NDUFA10: variants seen among roughly 807,000 people sequenced by gnomAD.
NDUFA10 encodes NADH:ubiquinone oxidoreductase subunit A10.
A neutral mutation model predicts 47.8 loss-of-function variants in NDUFA10; 40 were observed. The observed-to-expected ratio is 0.84, with a 90% CI of 0.65 to 1.09. The LOEUF (loss-of-function observed/expected upper bound fraction) is 1.09. Among genes scored for constraint, NDUFA10 ranks in the 50% least tolerant of loss-of-function variants. The pLI, the probability that NDUFA10 is intolerant of heterozygous loss-of-function variation, is 0.00. For synonymous variants in NDUFA10, 183 were observed against 172.2 expected (o/e 1.06, Z -0.49); for missense variants, 413 against 451.1 (o/e 0.92, Z 0.76).
At chr2:239,908,254 G>C (rs991926994) in intron 4 of NDUFA10, among the ~76,000 whole-genome samples, 1 of 152,082 alleles carries the variant, frequency 6.6e-6, no homozygotes, top group Non-Finnish European at 1.5e-5. Context: ...TTGTGGGGTG[G>C]GGGGAGAGGG....
chr2:240,013,565 T>C (rs1295005141), intron 5 of NDUFA10: 1 of 152,238 alleles, frequency 6.6e-6, no homozygotes, highest in African/African-American at 2.4e-5. Context: ...AGTCTAGCTA[T>C]ACAACATACT....
At chr2:239,898,925 TGGAGGGGTGTGAC>T (rs1197547168) in intron 4 of NDUFA10, among the ~76,000 whole-genome samples, 3 of 149,980 alleles carry the variant, frequency 2.0e-5, no homozygotes, top group Admixed American at 6.7e-5. Context: ...AAGGTTGTGA[TGGAGGGGTGTGAC>T]GGAGGGGTGT....
intron 4 of NDUFA10, among the ~76,000 whole-genome samples, chr2:239,931,047 G>A (rs1694165060): frequency 6.6e-6 from 1 of 152,192 alleles, no homozygotes; most frequent in East Asian, 1.9e-4. Context: ...AGGGCCGTGG[G>A]AGCCTCGGAG....
At chr2:239,929,965 T>TC in intron 4 of NDUFA10, among the ~76,000 whole-genome samples, 1 of 141,170 alleles carries the variant, frequency 7.1e-6, no homozygotes, top group South Asian at 2.4e-4. Context: ...CCCCTGCTTC[T>TC]CCACCGCCCC....
intron 8 of NDUFA10, among the ~76,000 whole-genome samples, chr2:240,004,633 G>A (rs552855259): frequency 4.0e-4 from 59 of 149,270 alleles, no homozygotes; most frequent in Admixed American, 3.0e-3. Flanking sequence ...GCTCCATTCC[G>A]CTGTGGCCTC....
At chr2:240,000,881 C>T (rs926446675) in intron 8 of NDUFA10, among the ~76,000 whole-genome samples, 4 of 152,256 alleles carry the variant, frequency 2.6e-5, no homozygotes, top group East Asian at 3.8e-4. Flanking sequence ...ATAGCATCTA[C>T]GCTTGTGTAA....
chr2:239,903,153 A>C (rs555420440), intron 4 of NDUFA10, among the ~76,000 whole-genome samples: 88 of 152,228 alleles, frequency 5.8e-4, no homozygotes, highest in African/African-American at 1.7e-3. Flanking sequence ...GAGGCTTCCC[A>C]GGGTCACAGC....
Position 239,906,029 on chromosome 2 carries a change from A to C in NDUFA10, c.295-10715T>G, listed in dbSNP as rs1693649259. Among the ~76,000 whole-genome samples, 1 of 152,072 alleles carries C rather than the reference A, an allele frequency of 6.6e-6. No individual in the cohort carries two copies. The highest frequency in any genetic ancestry group is 1.5e-5 in the Non-Finnish European group (1 of 67,972). ...CTGTGGTGGGATCAGAATTCCCCTA[A>C]GGAATTCCTGGAGCCCTGAGGGGTG... On this transcript the variant is annotated intron_variant, in intron 4 of 5. Coordinates refer to the NDUFA10 transcript ENST00000419408. This position sits in a 1 kb window ranked among gnomAD's most constrained non-coding sequence, Gnocchi z 4.3.
At chr2:239,997,601 T>C (rs1696535208) in intron 8 of NDUFA10, among the ~76,000 whole-genome samples, 1 of 152,224 alleles carries the variant, frequency 6.6e-6, no homozygotes. Context: ...CTTTTATACC[T>C]TAAGTAACCT....
intron 8 of NDUFA10, among the ~76,000 whole-genome samples, chr2:240,002,246 G>A (rs918854684): frequency 1.4e-5 from 2 of 148,082 alleles, no homozygotes; most frequent in African/African-American, 5.0e-5. Context: ...CAGGAGAATC[G>A]CCTGAACCAG....
intron 5 of NDUFA10, chr2:240,012,032 A>C: frequency 2.9e-6 from 1 of 344,808 alleles, no homozygotes; most frequent in Non-Finnish European, 5.6e-6. Context: ...GGAATGAAAG[A>C]GCACCAAAAA....
intron 4 of NDUFA10, among the ~76,000 whole-genome samples, chr2:239,942,286 C>T (rs1048256254): frequency 7.9e-5 from 12 of 152,252 alleles, no homozygotes; most frequent in Non-Finnish European, 1.6e-4. Context: ...AACACAGATG[C>T]TGCTGGGGCC....
intron 8 of NDUFA10, among the ~76,000 whole-genome samples, chr2:239,992,650 G>C (rs1254728966): frequency 6.6e-6 from 1 of 152,218 alleles, no homozygotes; most frequent in Non-Finnish European, 1.5e-5. Context: ...GGGATGGTCT[G>C]AGAGGAGCTT....
At chr2:239,970,915 CAG>C in intron 9 of NDUFA10, among the ~76,000 whole-genome samples, 1 of 152,342 alleles carries the variant, frequency 6.6e-6, no homozygotes, top group Admixed American at 6.5e-5. Flanking sequence ...GTAGTTCAGC[CAG>C]AGAGGGCACC....
chr2:239,909,504 G>A lies in NDUFA10; in HGVS notation c.295-14190C>T, dbSNP rs543073742. ...GGCATGTGCCTGTAATCCCAGCTAC[G>A]CAGGAGGCTGAGGCAGGGGAATTGC... On this transcript the variant is annotated intron_variant, in intron 4 of 5. Coordinates refer to the NDUFA10 transcript ENST00000419408. Among the ~76,000 whole-genome samples the A allele has an allele frequency of 3.0e-4, 46 of 152,084 alleles. 1 individual carries two copies. The highest frequency in any genetic ancestry group is 1.1e-3 in the African/African-American group (44 of 41,478).
At chr2:239,946,452 T>C (rs78293450) in intron 4 of NDUFA10, among the ~76,000 whole-genome samples, 1,757 of 152,316 alleles carry the variant, frequency 0.012, 31 homozygotes, top group African/African-American at 0.038. Flanking sequence ...CCCTCAGTGA[T>C]GCCTCCGGGG....
intron 6 of NDUFA10, among the ~76,000 whole-genome samples, chr2:240,007,830 C>T (rs1449304111): frequency 7.3e-5 from 11 of 151,406 alleles, no homozygotes; most frequent in Admixed American, 1.3e-4. Flanking sequence ...AGGGCCTAAC[C>T]GAGCACAGGC....
At position 239,959,655 on chromosome 2, in the gene NDUFA10, C is replaced by T. The variant is rs1694767501; in HGVS notation, c.*1463G>A. On this transcript the variant is annotated 3_prime_UTR_variant, in exon 10 of 10. Coordinates refer to ENST00000252711, the MANE Select transcript of NDUFA10 (RefSeq NM_004544.4). ...CAGGGAGGAAGGGAAGGGAGGAAAA[C>T]AAGGACAGACGGAAGGAAGGAAGGA... is the stretch of plus-strand genomic sequence containing the variant. 1.0e-6 allele frequency: 1 copy of T among 964,852 alleles called. No individual in the cohort carries two copies. The highest frequency in any genetic ancestry group is 1.9e-5 in the African/African-American group (1 of 52,648). The allele number at this position is 964,852 out of a possible 1,614,324, so 59.8% of individuals were successfully genotyped here. A position where few individuals can be genotyped will look rare whatever the true frequency, so the allele number is the denominator to read the frequency against.
At chr2:240,005,189 C>T (rs962331748) in intron 8 of NDUFA10, 21 bp downstream of exon 8, 16 of 1,595,904 alleles carry the variant, frequency 1.0e-5, no homozygotes, top group Non-Finnish European at 1.3e-5. Context: ...CATGCAGCAG[C>T]CCCCACACAG....
Sources: gnomAD v4.1 joint callset for allele counts (sites outside exome capture counted in the v4.1 genomes callset) on GRCh38, gnomAD v4.1.1 for gene constraint, Gnocchi (gnomAD v3.1) non-coding constraint, MANE v1.5 for transcripts, NCBI Gene and HGNC (gene_info 2026-07-23, HGNC 2026-07-21) for gene names.